The following SIGLECL1 variants were observed in gnomAD, a reference collection of about 807,000 sequenced individuals.
The protein encoded by SIGLECL1 is SIGLEC family-like protein 1.
In SIGLECL1, 16 loss-of-function variants were observed where a neutral mutation model predicts 19.1. The observed-to-expected ratio is 0.84, with a 90% CI of 0.57 to 1.27. The LOEUF is 1.27. Among genes scored for constraint, SIGLECL1 ranks in the 50% most tolerant of loss-of-function variants. SIGLECL1 has a pLI of 0.00. For missense variants in SIGLECL1, 210 were observed against 239.4 expected, an observed-to-expected ratio of 0.88 and a Z score of 0.81; for synonymous variants, 89 against 90.4, an observed-to-expected ratio of 0.98 and a Z score of 0.09.
upstream of SIGLECL1, among the ~76,000 whole-genome samples, chr19:51,246,643 G>A (rs1982269256): frequency 6.6e-6 from 1 of 152,074 alleles, no homozygotes; most frequent in South Asian, 2.1e-4. Context: ...TGTAACAAAA[G>A]CCCACCAAGA....
At chr19:51,261,535 G>A (rs904464982) in intron 1 of SIGLECL1, among the ~76,000 whole-genome samples, 8 of 152,204 alleles carry the variant, frequency 5.3e-5, no homozygotes, top group Admixed American at 2.6e-4. Context: ...TGATCCGCCC[G>A]TCTCGGCCTC....
intron 1 of SIGLECL1, among the ~76,000 whole-genome samples, chr19:51,251,932 A>G (rs937855539): frequency 2.6e-5 from 4 of 152,190 alleles, no homozygotes; most frequent in African/African-American, 4.8e-5. Flanking sequence ...GAATATCCTG[A>G]GCCCTTTGGA....
Position 51,268,844 on chromosome 19 carries a change from G to A in SIGLECL1, c.*247G>A, listed in dbSNP as rs925603925. On this transcript the variant is annotated 3_prime_UTR_variant, in exon 6 of 6. Coordinates refer to ENST00000601727, the MANE Select transcript of SIGLECL1 (RefSeq NM_001385465.1). ...GACACACTTTGTAATTTGTTGTTTG[G>A]CTAAATGAGAAGAAATCTGTGCCAC... 1.3e-5 allele frequency: 6 copies of A among 447,808 alleles called. No homozygotes were observed. Among genetic ancestry groups the A allele is most frequent in the Non-Finnish European group, 2.4e-5 (6 of 254,042 alleles). 27.7% of individuals were successfully genotyped at this position (447,808 alleles called of 1,614,324 possible). A position where few individuals can be genotyped will look rare whatever the true frequency, so the allele number is the denominator to read the frequency against.
In SIGLECL1 at chr19:51,263,972, T is replaced by C; in HGVS notation, c.-101T>C. On this transcript the variant is annotated 5_prime_UTR_variant, in exon 2 of 6. Coordinates refer to ENST00000601727, the MANE Select transcript of SIGLECL1 (RefSeq NM_001385465.1). ...TCCCCATCCCCACATCCTCTTTCAGTTACGCATCACCTCACTCCTTCTGAA... is the reference window on the plus strand; with the variant it reads ...TCCCCATCCCCACATCCTCTTTCAGCTACGCATCACCTCACTCCTTCTGAA... The C allele has an allele frequency of 7.0e-7, 1 of 1,436,842 alleles. No individual in the cohort carries two copies. The highest frequency in any genetic ancestry group is 2.4e-5 in the East Asian group (1 of 42,200). The allele number at this position is 1,436,842 out of a possible 1,614,324, so 89.0% of individuals were successfully genotyped here.
intron 1 of SIGLECL1, chr19:51,258,046 C>T (rs1982937010): frequency 6.6e-6 from 1 of 152,200 alleles, no homozygotes; most frequent in South Asian, 2.1e-4. Context: ...TATGTCTTCC[C>T]TTGGCTGATT....
chr19:51,257,930 A>G (rs928036259), intron 1 of SIGLECL1: 1 of 152,224 alleles, frequency 6.6e-6, no homozygotes, highest in Admixed American at 6.5e-5. Context: ...AGTACTATGC[A>G]TATTGTCACA....
chr19:51,268,598 G>C lies in SIGLECL1; in HGVS notation c.*1G>C, dbSNP rs1983847715. On this transcript the variant is annotated 3_prime_UTR_variant, in exon 6 of 6. Transcript: ENST00000601727. ...AAAGCAAGATAAACGAGCCAGCTAA[G>C]CCTGTGGAACATGCCTCATACCTGG... 1.2e-6 allele frequency: 2 copies of C among 1,613,972 alleles called. No homozygotes were observed. Among genetic ancestry groups the C allele is most frequent in the African/African-American group, 2.7e-5 (2 of 74,994 alleles).
chr19:51,249,479 G>A (rs1345432055), upstream of SIGLECL1, among the ~76,000 whole-genome samples: 1 of 151,890 alleles, frequency 6.6e-6, no homozygotes, highest in East Asian at 1.9e-4. Context: ...AAAAAAATCT[G>A]CACATAAATA....
intron 5 of SIGLECL1, among the ~76,000 whole-genome samples, 182 bp downstream of exon 5, chr19:51,267,711 G>A (rs1433775679): frequency 1.3e-5 from 2 of 152,016 alleles, no homozygotes; most frequent in Non-Finnish European, 2.9e-5. Flanking sequence ...GGAGAAGGAT[G>A]AAAGTTAAGA....
intron 1 of SIGLECL1, among the ~76,000 whole-genome samples, chr19:51,260,398 A>G (rs947454405): frequency 6.6e-6 from 1 of 152,218 alleles, no homozygotes; most frequent in East Asian, 1.9e-4. Flanking sequence ...TTTTATTTGT[A>G]AGAATGGTCC....
At chr19:51,254,835 A>T (rs1982706960) in intron 1 of SIGLECL1, among the ~76,000 whole-genome samples, 1 of 152,224 alleles carries the variant, frequency 6.6e-6, no homozygotes, top group South Asian at 2.1e-4. Context: ...AAAATTAATT[A>T]TAAAAAGGTT....
intron 5 of SIGLECL1, 119 bp from the exon 6 acceptor site, chr19:51,268,452 C>A: frequency 9.6e-7 from 1 of 1,044,190 alleles, no homozygotes; most frequent in South Asian, 1.3e-5. Context: ...AGCCAGTGCT[C>A]ACTCCATGTT....
intron 1 of SIGLECL1, among the ~76,000 whole-genome samples, chr19:51,262,982 T>G (rs1983345754): frequency 1.3e-5 from 2 of 152,228 alleles, no homozygotes. Context: ...GACTGCAGCC[T>G]TGACCTCCCT....
chr19:51,256,217 G>C (rs992063187), intron 1 of SIGLECL1, among the ~76,000 whole-genome samples: 1 of 152,036 alleles, frequency 6.6e-6, no homozygotes, highest in Non-Finnish European at 1.5e-5. Context: ...CTTATATATG[G>C]TAAAATTGGT....
chr19:51,265,296 G>A (rs1983556523), intron 2 of SIGLECL1, 72 bp from the exon 3 acceptor site: 1 of 1,493,082 alleles, frequency 6.7e-7, no homozygotes, highest in Non-Finnish European at 9.1e-7. Flanking sequence ...GTAAAGAGAA[G>A]GCTGCATGCT....
At chr19:51,254,295 C>T (rs1315382334) in intron 1 of SIGLECL1, among the ~76,000 whole-genome samples, 1 of 149,250 alleles carries the variant, frequency 6.7e-6, no homozygotes, top group East Asian at 2.0e-4. Flanking sequence ...TACCACTGCA[C>T]ACCAGCCAGG....
chr19:51,255,790 T>C (rs1982766301), intron 1 of SIGLECL1: 1 of 152,196 alleles, frequency 6.6e-6, no homozygotes, highest in African/African-American at 2.4e-5. Context: ...AGATAGCAAG[T>C]GTTGATGAGG....
In SIGLECL1 at chr19:51,267,508, A is replaced by T. The variant is rs1443144412; in HGVS notation, c.546A>T (p.Thr182=). The part of the protein sequence containing the change: ...PEEPGKPVVA[T]FSESRILEKQ... ...AACCAGGAAAACCCGTAGTCGCCAC[A>T]TTTTCTGAGAGCCGGATATTGGTAT... The change falls in exon 5 of 6, where the codon ACA becomes ACT. Residue 182 remains threonine, a synonymous_variant. Coordinates refer to ENST00000601727, the MANE Select transcript of SIGLECL1 (RefSeq NM_001385465.1). 6.2e-7 allele frequency: 1 copy of T among 1,614,006 alleles called. No homozygotes were observed. The highest frequency in any genetic ancestry group is 1.3e-5 in the African/African-American group (1 of 74,890).
At chr19:51,250,674 G>C (rs370982370), upstream of SIGLECL1, among the ~76,000 whole-genome samples, 2 of 152,356 alleles carry the variant, frequency 1.3e-5, no homozygotes, top group South Asian at 2.1e-4. Flanking sequence ...GGTTGGAGAG[G>C]AGTGTGGTTT....
Sources: allele counts gnomAD v4.1 joint callset (sites outside exome capture counted in the v4.1 genomes callset), GRCh38; gene constraint gnomAD v4.1.1; transcripts MANE v1.5; gene names NCBI Gene and HGNC (gene_info 2026-07-23, HGNC 2026-07-21).